The following MACROD2 variants were observed in gnomAD, a reference collection of about 807,000 sequenced individuals.
MACROD2 encodes the protein ADP-ribose glycohydrolase MACROD2.
Under a neutral mutation model 70.4 loss-of-function variants are expected in MACROD2, and 36 were observed. The ratio of observed to expected loss-of-function variants is 0.51; its 90% CI spans 0.39 to 0.68. MACROD2 has a LOEUF of 0.68. Among genes scored for constraint, MACROD2 ranks in the 30% least tolerant of loss-of-function variants. The pLI, the probability that MACROD2 is intolerant of heterozygous loss-of-function variation, is 0.00. For synonymous variants in MACROD2, 172 were observed against 178.8 expected (o/e 0.96, Z 0.30); for missense variants, 496 against 538.4 (o/e 0.92, Z 0.78).
chr20:15,616,066 G>A (rs2049033122), intron 8 of MACROD2, among the ~76,000 whole-genome samples: 1 of 151,290 alleles, frequency 6.6e-6, no homozygotes, highest in Non-Finnish European at 1.5e-5. Context: ...CTGGTGGGTG[G>A]AGTTTGTCTC....
intron 4 of MACROD2, among the ~76,000 whole-genome samples, chr20:14,533,716 A>G (rs898919981): frequency 1.3e-5 from 2 of 152,182 alleles, no homozygotes; most frequent in African/African-American, 2.4e-5. Context: ...CTCATATACT[A>G]TTGTATACCT....
rs138541607 is a variant in MACROD2 at position 14,294,405 on chromosome 20, G to A, written c.272-199074G>A. ...ATTACAATCTTCTGACAGACCTTTA[G>A]TGAGCAGTAATCATGAGGATAGGCT... is the stretch of plus-strand genomic sequence containing the variant. On this transcript the variant is annotated intron_variant, in intron 3 of 17. Transcript: ENST00000684519. 5.4e-4 allele frequency among the ~76,000 whole-genome samples: 82 copies of A among 151,438 alleles called. 1 individual carries two copies. The East Asian group carries it at 0.012, about 23-fold the overall frequency.
At chr20:14,784,992 C>T (rs2072350036) in intron 5 of MACROD2, among the ~76,000 whole-genome samples, 1 of 151,942 alleles carries the variant, frequency 6.6e-6, no homozygotes, top group African/African-American at 2.4e-5. Flanking sequence ...AGAAAGAAAA[C>T]TCAATGGAAT....
At chr20:14,997,815 G>C (rs1015878955) in intron 5 of MACROD2, among the ~76,000 whole-genome samples, 7 of 152,144 alleles carry the variant, frequency 4.6e-5, no homozygotes, top group Admixed American at 3.3e-4. Flanking sequence ...CTGGCCTCGG[G>C]TCTCACCCAG....
intron 2 of MACROD2, among the ~76,000 whole-genome samples, chr20:14,022,254 A>G (rs949474451): frequency 1.3e-5 from 2 of 152,322 alleles, no homozygotes; most frequent in African/African-American, 4.8e-5. Flanking sequence ...AAACTATTAC[A>G]CAGTGCTTTC....
At chr20:15,260,342 CAT>C (rs1491584347) in intron 6 of MACROD2, among the ~76,000 whole-genome samples, 11 of 123,360 alleles carry the variant, frequency 8.9e-5, no homozygotes, top group African/African-American at 3.3e-4. Context: ...TCCATGAGAT[CAT>C]TTTTTTTTTT....
chr20:14,767,186 T>C (rs1219500246), intron 5 of MACROD2, among the ~76,000 whole-genome samples: 2 of 152,246 alleles, frequency 1.3e-5, no homozygotes, highest in South Asian at 4.1e-4. Flanking sequence ...CAATCAATAA[T>C]GTATTTATTT....
chr20:14,200,932 T>C (rs1473238005), intron 3 of MACROD2, among the ~76,000 whole-genome samples: 10 of 142,938 alleles, frequency 7.0e-5, no homozygotes. Flanking sequence ...TAATCTTTAT[T>C]ATATTTGCTG....
chr20:15,116,311 A>T (rs1477211445), intron 5 of MACROD2, among the ~76,000 whole-genome samples: 1 of 152,100 alleles, frequency 6.6e-6, no homozygotes, highest in Non-Finnish European at 1.5e-5. Context: ...GAAGACCATG[A>T]GGATGAAGAC....
chr20:15,461,128 C>T (rs1193952021), intron 7 of MACROD2, among the ~76,000 whole-genome samples: 1 of 151,162 alleles, frequency 6.6e-6, no homozygotes. Context: ...CTGCCTCAGC[C>T]AGCAGAGTTG....
At chr20:14,238,741 C>T (rs939608387) in intron 3 of MACROD2, among the ~76,000 whole-genome samples, 4 of 152,108 alleles carry the variant, frequency 2.6e-5, no homozygotes, top group African/African-American at 7.2e-5. Context: ...AAATCAGCAG[C>T]CTTCTGACCA....
chr20:14,357,751 G>A (rs2083186566), intron 3 of MACROD2, among the ~76,000 whole-genome samples: 1 of 152,140 alleles, frequency 6.6e-6, no homozygotes, highest in Non-Finnish European at 1.5e-5. Context: ...CTTGAACAGA[G>A]AGCAGTTTCT....
intron 3 of MACROD2, among the ~76,000 whole-genome samples, chr20:14,106,423 C>T (rs1372702925): frequency 6.6e-6 from 1 of 152,100 alleles, no homozygotes; most frequent in Admixed American, 6.6e-5. Flanking sequence ...CAACACATCA[C>T]GTAAATCTCT....
rs370310791 is a variant in MACROD2, at chr20:15,567,499, T to C, written c.645+67652T>C. Reference sequence around the variant, plus strand: ...ATACCTCCCAGATTATCATAGTATATAAACCACTCCCTGGGAGTAAATCAG... The same window carrying C: ...ATACCTCCCAGATTATCATAGTATACAAACCACTCCCTGGGAGTAAATCAG... On this transcript the variant is annotated intron_variant, in intron 8 of 17. Transcript: ENST00000684519. 3.7e-4 allele frequency among the ~76,000 whole-genome samples: 57 copies of C among 152,326 alleles called. No homozygotes were observed. The East Asian group carries it at 4.4e-3, about 12-fold the overall frequency.
At chr20:14,446,998 T>C (rs752143318) in intron 3 of MACROD2, among the ~76,000 whole-genome samples, 12 of 152,100 alleles carry the variant, frequency 7.9e-5, no homozygotes, top group Non-Finnish European at 1.2e-4. Context: ...TTAGAAGATA[T>C]CAAGATGCAG....
intron 3 of MACROD2, among the ~76,000 whole-genome samples, chr20:14,140,371 C>T (rs2054854794): frequency 6.6e-6 from 1 of 152,040 alleles, no homozygotes; most frequent in Non-Finnish European, 1.5e-5. Flanking sequence ...GTAGTTTTTT[C>T]TGTTATTAGT....
intron 4 of MACROD2, among the ~76,000 whole-genome samples, chr20:14,547,776 G>C (rs961492428): frequency 6.6e-6 from 1 of 152,186 alleles, no homozygotes; most frequent in African/African-American, 2.4e-5. Context: ...CTCCTCGATT[G>C]TGTACCTGAG....
intron 6 of MACROD2, among the ~76,000 whole-genome samples, chr20:15,320,218 A>G (rs940874018): frequency 4.6e-5 from 7 of 152,130 alleles, no homozygotes; most frequent in Non-Finnish European, 8.8e-5. Context: ...AAACAAAACA[A>G]AACAAAAAAC....
At chr20:14,977,449 T>G (rs1253547931) in intron 5 of MACROD2, among the ~76,000 whole-genome samples, 24 of 132,770 alleles carry the variant, frequency 1.8e-4, no homozygotes. Flanking sequence ...ATTTAAAAAA[T>G]AAAAGAAAAA....
Sources: allele counts gnomAD v4.1 joint callset (sites outside exome capture counted in the v4.1 genomes callset), GRCh38; gene constraint gnomAD v4.1.1; transcripts MANE v1.5; gene names NCBI Gene and HGNC (gene_info 2026-07-23, HGNC 2026-07-21).